ARL5B: variants seen among roughly 807,000 people sequenced by gnomAD.
ARL5B encodes ADP-ribosylation factor-like protein 5B.
In ARL5B, 10 loss-of-function variants were observed where a neutral mutation model predicts 26.9. The ratio of observed to expected loss-of-function variants is 0.37; its 90% confidence interval spans 0.23 to 0.63. The LOEUF (loss-of-function observed/expected upper bound fraction) is 0.63. Ranked by LOEUF, ARL5B falls within the 30% of genes least tolerant of loss-of-function variation. The probability of loss-of-function intolerance (pLI) is 0.62; values close to 1 mark genes in which losing one functional copy is unlikely to be tolerated. For synonymous variants in ARL5B, 87 were observed against 70.4 expected, an observed-to-expected ratio of 1.24 and a Z score of -1.18; for missense variants, 167 against 213.9, an observed-to-expected ratio of 0.78 and a Z score of 1.37.
At chr10:18,660,315 G>C (rs1336480800) in intron 1 of ARL5B, among the ~76,000 whole-genome samples, 2 of 152,112 alleles carry the variant, frequency 1.3e-5, no homozygotes, top group Admixed American at 1.3e-4. Flanking sequence ...CAGGTAATGA[G>C]ACACCTGGAA....
chr10:18,663,083 A>T (rs891632014), intron 1 of ARL5B, among the ~76,000 whole-genome samples: 1 of 152,080 alleles, frequency 6.6e-6, no homozygotes, highest in Admixed American at 6.6e-5. Flanking sequence ...ATCTCAGCTC[A>T]CTGCCACCTT....
At chr10:18,660,334 T>C (rs1479258432) in intron 1 of ARL5B, among the ~76,000 whole-genome samples, 2 of 152,096 alleles carry the variant, frequency 1.3e-5, no homozygotes, top group African/African-American at 2.4e-5. Flanking sequence ...AAGTGGCAGG[T>C]CCAAAGGGCC....
At chr10:18,666,528 A>T in intron 1 of ARL5B, 47 bp from the exon 2 acceptor site, 1 of 1,430,178 alleles carries the variant, frequency 7.0e-7, no homozygotes, top group Non-Finnish European at 9.7e-7. Flanking sequence ...ATGTAATTGC[A>T]GTAATGCAGT....
chr10:18,678,715 C>T lies in ARL5B; in HGVS notation c.*3499C>T, dbSNP rs1422827687. ...GCTTTGGAACCAAAAAAACTTCACT[C>T]TAATTCAGTCCTAAAGGCTATTTTA... is the stretch of plus-strand genomic sequence containing the variant. On this transcript the variant is annotated 3_prime_UTR_variant, in exon 6 of 6. Coordinates refer to ENST00000377275, the MANE Select transcript of ARL5B (RefSeq NM_178815.5). The T allele has an allele frequency of 6.6e-6, 1 of 151,716 alleles. No individual in the cohort carries two copies. Among genetic ancestry groups the T allele is most frequent in the African/African-American group, 2.4e-5 (1 of 41,370 alleles). The allele number at this position is 151,716 out of a possible 1,614,324, so 9.4% of individuals were successfully genotyped here.
rs1407520880 is a variant in ARL5B at position 18,680,344 on chromosome 10, C to T, written c.*5128C>T. 1 of 151,922 alleles carries T rather than the reference C, an allele frequency of 6.6e-6. No individual in the cohort carries two copies. Among genetic ancestry groups the T allele is most frequent in the Non-Finnish European group, 1.5e-5 (1 of 67,914 alleles). The allele number at this position is 151,922 out of a possible 1,614,324, so 9.4% of individuals were successfully genotyped here. A position where few individuals can be genotyped will look rare whatever the true frequency, so the allele number is the denominator to read the frequency against. On this transcript the variant is annotated 3_prime_UTR_variant, in exon 6 of 6. Transcript: ENST00000377275. Reference sequence around the variant, plus strand: ...GCCAACATGGTAGATATATGAGATTCACATATGGTTTCATTAAAGCACATA... The same window carrying T: ...GCCAACATGGTAGATATATGAGATTTACATATGGTTTCATTAAAGCACATA...
chr10:18,660,909 G>A (rs1377930774), intron 1 of ARL5B, among the ~76,000 whole-genome samples: 1 of 152,086 alleles, frequency 6.6e-6, no homozygotes, highest in Non-Finnish European at 1.5e-5. Flanking sequence ...GTGCAGTGGC[G>A]CAATCTCAGC....
chr10:18,665,384 T>G (rs2059856918), intron 1 of ARL5B, among the ~76,000 whole-genome samples: 1 of 152,182 alleles, frequency 6.6e-6, no homozygotes, highest in Non-Finnish European at 1.5e-5. Flanking sequence ...AAGTTTTGTT[T>G]TGTTTTACAA....
At position 18,668,597 on chromosome 10, in the gene ARL5B, A is replaced by G. The variant is rs1590226573; in HGVS notation, c.175A>G (p.Asn59Asp). 6.2e-7 allele frequency: 1 copy of G among 1,614,114 alleles called. No homozygotes were observed. The highest frequency in any genetic ancestry group is 8.5e-7 in the Non-Finnish European group (1 of 1,179,990). ...CAATGTTGAAGAAATAGTTGTGAAG[A>G]ACACTCATTTTCTTATGTGGGATAT... Reference protein sequence around the residue: ...GSNVEEIVVKNTHFLMWDIGG... With the variant: ...GSNVEEIVVKDTHFLMWDIGG... Residue 59 changes from asparagine (N) to aspartate (D), a missense_variant, in exon 3 of 6, where the codon AAC becomes GAC. Transcript: ENST00000377275.
chr10:18,672,564 CA>C lies in ARL5B; in HGVS notation c.256-57del, dbSNP rs367724087. On this transcript the variant is annotated intron_variant, in intron 3 of 5. Transcript: ENST00000377275. ...TACTTAGATTACTTGAGTAGTTTTA[CA>C]GAAAACTTTTCAGCATCCCATTCAA... 3.5e-4 allele frequency: 458 copies of C among 1,299,580 alleles called. 1 individual carries two copies. Among genetic ancestry groups the C allele is most frequent in the Non-Finnish European group, 4.8e-4 (439 of 909,542 alleles). The allele number at this position is 1,299,580 out of a possible 1,614,324, so 80.5% of individuals were successfully genotyped here.
intron 3 of ARL5B, among the ~76,000 whole-genome samples, chr10:18,671,621 C>T (rs12784555): frequency 0.21 from 31,157 of 151,176 alleles, 3,492 homozygotes; most frequent in South Asian, 0.34. Context: ...GGTGCTTTTT[C>T]GCTGTATCAT....
intron 4 of ARL5B, among the ~76,000 whole-genome samples, chr10:18,673,048 T>C (rs2131645987): frequency 6.6e-6 from 1 of 152,130 alleles, no homozygotes; most frequent in East Asian, 1.9e-4. Context: ...AAAGGTTTTT[T>C]TTTTGTTTTT....
At chr10:18,665,826 T>C (rs1016432415) in intron 1 of ARL5B, among the ~76,000 whole-genome samples, 1 of 152,214 alleles carries the variant, frequency 6.6e-6, no homozygotes, top group Admixed American at 6.5e-5. Flanking sequence ...TGGGTTGTTT[T>C]CTGTATTCAA....
At chr10:18,669,592 G>C (rs571778468) in intron 3 of ARL5B, among the ~76,000 whole-genome samples, 3 of 152,070 alleles carry the variant, frequency 2.0e-5, no homozygotes, top group Non-Finnish European at 4.4e-5. Context: ...ATGTAGTTTA[G>C]AGAGATTTAT....
chr10:18,669,756 G>T (rs946745061), intron 3 of ARL5B, among the ~76,000 whole-genome samples: 1 of 152,096 alleles, frequency 6.6e-6, no homozygotes, highest in Non-Finnish European at 1.5e-5. Context: ...ACTTTGGGAG[G>T]CCGAGGCGGG....
chr10:18,674,037 G>C lies in ARL5B; in HGVS notation c.393G>C (p.Gly131=), dbSNP rs569398503. 2 of 1,613,532 alleles carry C rather than the reference G, an allele frequency of 1.2e-6. No individual in the cohort carries two copies. The highest frequency in any genetic ancestry group is 8.5e-7 in the Non-Finnish European group (1 of 1,179,742). ...LIFANKQDMK[G]CMTAAEISKY... is the part of the protein sequence containing the mutation. ...TTGCAAATAAACAGGATATGAAAGGGTGTATGACAGCAGCTGAAATCTCGA... is the reference window on the plus strand; with the variant it reads ...TTGCAAATAAACAGGATATGAAAGGCTGTATGACAGCAGCTGAAATCTCGA... The change falls in exon 5 of 6, where the codon GGG becomes GGC. Residue 131 remains glycine, a synonymous_variant. Coordinates refer to ENST00000377275, the MANE Select transcript of ARL5B (RefSeq NM_178815.5).
intron 3 of ARL5B, among the ~76,000 whole-genome samples, chr10:18,671,590 G>C (rs1196388856): frequency 6.6e-6 from 1 of 151,414 alleles, no homozygotes; most frequent in African/African-American, 2.4e-5. Context: ...TTTTTATTCT[G>C]TATACAGTGT....
chr10:18,659,721 G>T lies in ARL5B; in HGVS notation c.46+38G>T, dbSNP rs200270125. 1,753 of 1,602,174 alleles carry T rather than the reference G, an allele frequency of 1.1e-3. 3 individuals carry two copies. Among genetic ancestry groups the T allele is most frequent in the Non-Finnish European group, 1.3e-3 (1,579 of 1,174,976 alleles). On this transcript the variant is annotated intron_variant, in intron 1 of 5. Transcript: ENST00000377275. The stretch of plus-strand genomic sequence containing the variant: ...GAGCTGCGCGGCGGCTCGAATCCGA[G>T]GCAGAGGGTCCCGCCGCCGATGGGG...
intron 2 of ARL5B, among the ~76,000 whole-genome samples, chr10:18,667,179 A>G (rs1029716753): frequency 1.3e-5 from 2 of 152,176 alleles, no homozygotes; most frequent in African/African-American, 4.8e-5. Flanking sequence ...TTATCCTTTC[A>G]ATGCCAATGA....
chr10:18,660,028 C>A, intron 1 of ARL5B: 1 of 856,076 alleles, frequency 1.2e-6, no homozygotes, highest in Non-Finnish European at 1.4e-6. Flanking sequence ...CTATGTGTAT[C>A]CCCAGGATAA....
Sources: allele counts gnomAD v4.1 joint callset (sites outside exome capture counted in the v4.1 genomes callset), GRCh38; gene constraint gnomAD v4.1.1; transcripts MANE v1.5; gene names NCBI Gene and HGNC (gene_info 2026-07-23, HGNC 2026-07-21).